Variants in UBXN6 observed in about 807,000 individuals in gnomAD.
The protein encoded by UBXN6 is UBX domain protein 6, also known as UBX domain-containing protein 6.
UBXN6 carries 44 observed loss-of-function variants against 51.4 expected under a neutral mutation model. That is an observed-to-expected ratio of 0.86 (90% CI 0.67 to 1.10). The LOEUF is 1.10. UBXN6 is among the 50% of genes least tolerant of loss of function. The pLI is 0.00. For synonymous variants in UBXN6, 316 were observed against 263.2 expected (o/e 1.20, Z -1.94); for missense variants, 672 against 596.1 (o/e 1.13, Z -1.32).
At chr19:4,457,794 TTA>T (rs149835255), upstream of UBXN6, 45,059 of 161,252 alleles carry the variant, frequency 0.28, 10,198 homozygotes, top group Non-Finnish European at 0.29. Context: ...CGGAAGAAAA[TTA>T]AAAAAAAAAA....
chr19:4,448,635 A>G, intron 4 of UBXN6: 1 of 580,300 alleles, frequency 1.7e-6, no homozygotes, highest in Non-Finnish European at 3.1e-6. Context: ...GCAGAACTCA[A>G]GTCTCCCCTT....
intron 10 of UBXN6, 46 bp downstream of exon 10, chr19:4,446,003 C>T: frequency 6.4e-7 from 1 of 1,561,824 alleles, no homozygotes; most frequent in Admixed American, 1.8e-5. Flanking sequence ...CCAGGAGAAC[C>T]TGCAGAGGCA....
intron 1 of UBXN6, among the ~76,000 whole-genome samples, chr19:4,457,141 A>G (rs1974749679): frequency 6.6e-6 from 1 of 151,824 alleles, no homozygotes; most frequent in Non-Finnish European, 1.5e-5. Context: ...ATTGCCCCAA[A>G]TCATCCCGGC....
chr19:4,453,786 C>T, intron 2 of UBXN6, 144 bp downstream of exon 2: 1 of 1,298,180 alleles, frequency 7.7e-7, no homozygotes, highest in East Asian at 2.4e-5. Flanking sequence ...GCCCTTCCCC[C>T]AGCACCTGCC....
Position 4,445,139 on chromosome 19 carries a change from CACCCACG to C in UBXN6, c.*352_*358del, listed in dbSNP as rs1420244639. ...CCCTAGTGCCAGGTGCAGCCACTGCCACCCACGGCACACGGGAACAGGACCCATGCTG... is the reference window on the plus strand; with the variant it reads ...CCCTAGTGCCAGGTGCAGCCACTGCCGCACACGGGAACAGGACCCATGCTG... On this transcript the variant is annotated 3_prime_UTR_variant, in exon 11 of 11. Coordinates refer to ENST00000301281, the MANE Select transcript of UBXN6 (RefSeq NM_025241.3). 5 of 256,102 alleles carry C rather than the reference CACCCACG, an allele frequency of 2.0e-5. No individual in the cohort carries two copies. Among genetic ancestry groups the C allele is most frequent in the Non-Finnish European group, 2.3e-5 (3 of 130,520 alleles). 15.9% of individuals were successfully genotyped at this position (256,102 alleles called of 1,614,324 possible).
chr19:4,449,289 ATG>A (rs1420769507), intron 4 of UBXN6: 4 of 152,802 alleles, frequency 2.6e-5, no homozygotes, highest in African/African-American at 9.6e-5. Context: ...GCCCAGGGCC[ATG>A]TGTCAGGATT....
chr19:4,452,473 T>C lies in UBXN6; in HGVS notation c.332A>G (p.Glu111Gly), dbSNP rs762310505. ...AGGCACAGCCAGGTGGGCAGAGCCT[T>C]CCTCTCTGGGCTCAGATACCTGGGG... is the stretch of plus-strand genomic sequence containing the variant. Reference protein sequence around the residue: ...GTNVVSEPREEGSAHLAVPGV... With the variant: ...GTNVVSEPREGGSAHLAVPGV... Residue 111 changes from glutamate to glycine, a missense_variant, in exon 4 of 11, where the codon GAA becomes GGA. Transcript: ENST00000301281. 6.2e-7 allele frequency: 1 copy of C among 1,611,338 alleles called. No homozygotes were observed. The highest frequency in any genetic ancestry group is 1.1e-5 in the South Asian group (1 of 90,816).
intron 5 of UBXN6, chr19:4,447,942 G>A (rs958365848): frequency 1.8e-5 from 9 of 492,940 alleles, no homozygotes; most frequent in Admixed American, 3.3e-5. Context: ...CTGAAGGGCC[G>A]CAGTGCCAGC....
rs1028386212 is a variant in UBXN6, at chr19:4,445,153, G to A, written c.*345C>T. The A allele has an allele frequency of 1.1e-5, 3 of 273,142 alleles. No homozygotes were observed. The highest frequency in any genetic ancestry group is 4.3e-5 in the South Asian group (1 of 23,362). 16.9% of individuals were successfully genotyped at this position (273,142 alleles called of 1,614,324 possible). ...GCAGCCACTGCCACCCACGGCACAC[G>A]GGAACAGGACCCATGCTGCAGGCCT... On this transcript the variant is annotated 3_prime_UTR_variant, in exon 11 of 11. Transcript: ENST00000301281.
intron 6 of UBXN6, chr19:4,447,161 G>C: frequency 1.7e-6 from 1 of 594,774 alleles, no homozygotes; most frequent in Non-Finnish European, 3.0e-6. Flanking sequence ...GAGTGAGGCT[G>C]AGGAGCCAGA....
Position 4,446,041 on chromosome 19 carries a change from A to C in UBXN6, c.1200+8T>G. The C allele has an allele frequency of 6.2e-7, 1 of 1,607,314 alleles. No individual in the cohort carries two copies. Among genetic ancestry groups the C allele is most frequent in the Non-Finnish European group, 8.5e-7 (1 of 1,176,894 alleles). On this transcript the variant is annotated splice_region_variant and intron_variant, in intron 10 of 10. Coordinates refer to ENST00000301281, the MANE Select transcript of UBXN6 (RefSeq NM_025241.3). The stretch of plus-strand genomic sequence containing the variant: ...GGGTCAGCGGTGCTCCTGCGGGCCG[A>C]CACTCACCAGCCCGCACTCGTTCAA...
At chr19:4,448,488 AG>A in intron 4 of UBXN6, 73 bp from the exon 5 acceptor site, 1 of 1,247,304 alleles carries the variant, frequency 8.0e-7, no homozygotes. Flanking sequence ...CCCAGGTAAC[AG>A]GGGCAGGAAA....
chr19:4,454,151 C>T (rs953943851), intron 1 of UBXN6, 58 bp from the exon 2 acceptor site: 43 of 1,468,788 alleles, frequency 2.9e-5, no homozygotes, highest in Non-Finnish European at 3.3e-5. Flanking sequence ...GCAAAGCTGA[C>T]GTGCAGTCAC....
chr19:4,457,656 G>C lies in UBXN6; in HGVS notation c.42C>G (p.Phe14Leu). Residue 14 changes from phenylalanine to leucine, a missense_variant, in exon 1 of 11, where the codon TTC (phenylalanine) becomes TTG (leucine). Coordinates refer to ENST00000301281, the MANE Select transcript of UBXN6 (RefSeq NM_025241.3). Reference sequence around the variant, plus strand: ...GCTTCTGACCGGGTCCCGCGCTCTTGAACTTGATGTCGGCCTTGAACTCCT... The same window carrying C: ...GCTTCTGACCGGGTCCCGCGCTCTTCAACTTGATGTCGGCCTTGAACTCCT... ...FFQEFKADIK[F>L]KSAGPGQKLK... is the part of the protein sequence containing the mutation. 6 of 1,602,424 alleles carry C rather than the reference G, an allele frequency of 3.7e-6. No individual in the cohort carries two copies. Among genetic ancestry groups the C allele is most frequent in the Non-Finnish European group, 5.1e-6 (6 of 1,175,626 alleles).
intron 5 of UBXN6, 140 bp downstream of exon 5, chr19:4,448,178 G>A (rs1974577874): frequency 1.4e-6 from 1 of 733,882 alleles, no homozygotes. Context: ...TCTGGGTGGA[G>A]CTGCCTCACT....
Position 4,457,794 on chromosome 19 carries a change from T to G in UBXN6, c.-97A>C, listed in dbSNP as rs1384671607. 32 of 160,316 alleles carry G rather than the reference T, an allele frequency of 2.0e-4. No homozygotes were observed. The highest frequency in any genetic ancestry group is 3.4e-4 in the East Asian group (2 of 5,898). 9.9% of individuals were successfully genotyped at this position (160,316 alleles called of 1,614,324 possible). On this transcript the variant is annotated 5_prime_UTR_variant, in exon 1 of 11. Transcript: ENST00000301281. ...CCGGAGACCAGCCACCGGAAGAAAA[T>G]TAAAAAAAAAAAAAAAAAAAAAAAA... is the stretch of plus-strand genomic sequence containing the variant.
chr19:4,457,617 C>T lies in UBXN6; in HGVS notation c.81G>A (p.Val27=), dbSNP rs750103807. The stretch of plus-strand genomic sequence containing the variant: ...AAGCCCCTGCGTTCCTCACGCACCC[C>T]ACGGACTCTTTGAGCTTCTGACCGG... ...AGPGQKLKES[V]GEKAHKEKPN... The change falls in exon 1 of 11, where the codon GTG becomes GTA. Residue 27 remains valine (V), a splice_region_variant and synonymous_variant. Transcript: ENST00000301281. 2 of 1,598,284 alleles carry T rather than the reference C, an allele frequency of 1.3e-6. No homozygotes were observed. Among genetic ancestry groups the T allele is most frequent in the South Asian group, 1.1e-5 (1 of 90,346 alleles).
At chr19:4,447,166 G>T (rs1974551268) in intron 6 of UBXN6, 2 of 593,158 alleles carry the variant, frequency 3.4e-6, no homozygotes, top group Non-Finnish European at 6.0e-6. Context: ...AGGCTGAGGA[G>T]CCAGACACTG....
chr19:4,445,342 G>A lies in UBXN6; in HGVS notation c.*156C>T. ...CAAGGGATGGGGGCTCTGCCACGGG[G>A]CCCAATTCCACAGCTCCACGGCTGG... On this transcript the variant is annotated 3_prime_UTR_variant, in exon 11 of 11. Transcript: ENST00000301281. 1.5e-6 allele frequency: 2 copies of A among 1,303,144 alleles called. No individual in the cohort carries two copies. The highest frequency in any genetic ancestry group is 2.1e-6 in the Non-Finnish European group (2 of 947,710). 80.7% of individuals were successfully genotyped at this position (1,303,144 alleles called of 1,614,324 possible).
Sources: gnomAD v4.1 joint callset for allele counts (sites outside exome capture counted in the v4.1 genomes callset) on GRCh38, gnomAD v4.1.1 for gene constraint, MANE v1.5 for transcripts, NCBI Gene and HGNC (gene_info 2026-07-23, HGNC 2026-07-21) for gene names.